IL1RAPL1: variants seen among roughly 807,000 people sequenced by gnomAD.
The protein encoded by IL1RAPL1 is interleukin-1 receptor accessory protein-like 1.
A neutral mutation model predicts 48.4 loss-of-function variants in IL1RAPL1; 3 were observed. The ratio of observed to expected loss-of-function variants is 0.06; its 90% CI spans 0.03 to 0.16. IL1RAPL1 has a LOEUF of 0.16. Ranked by LOEUF, IL1RAPL1 falls within the 10% of genes least tolerant of loss-of-function variation. IL1RAPL1 has a pLI of 1.00. For synonymous variants in IL1RAPL1, 185 were observed against 187.7 expected (o/e 0.99, Z 0.12); for missense variants, 349 against 530.6 (o/e 0.66, Z 3.36).
intron 5 of IL1RAPL1, among the ~76,000 whole-genome samples, chrX:29,598,807 T>A (rs192920272): frequency 3.3e-4 from 37 of 112,137 alleles, no homozygotes; most frequent in African/African-American, 1.1e-3. Context: ...TTAACTGTTG[T>A]TGCTTCAAAG....
At chrX:29,795,775 T>C (rs1477405295) in intron 6 of IL1RAPL1, among the ~76,000 whole-genome samples, 1 of 112,823 alleles carries the variant, frequency 8.9e-6, no homozygotes, top group Non-Finnish European at 1.9e-5. Context: ...GTGTTGGTTG[T>C]TGAAGAAGAC....
intron 1 of IL1RAPL1, among the ~76,000 whole-genome samples, chrX:28,610,732 G>T (rs1451294360): frequency 1.8e-5 from 2 of 110,920 alleles, no homozygotes; most frequent in Non-Finnish European, 3.8e-5. Context: ...TACAGTCCTA[G>T]AAGTCACTGT....
intron 2 of IL1RAPL1, among the ~76,000 whole-genome samples, chrX:29,102,021 A>G (rs1277845034): frequency 8.9e-6 from 1 of 112,138 alleles, no homozygotes; most frequent in Non-Finnish European, 1.9e-5. Context: ...ACATAGGCAA[A>G]TCAATCAGTG....
rs200069550 is a variant in IL1RAPL1 at position 29,373,821 on chromosome X, A to AT, written c.363-22429dup. ...AGTTTTTAATTTTTCATTTGTTTTT[A>AT]TTTTTTTTAATTTTTAATGTTTTGT... is the stretch of plus-strand genomic sequence containing the variant. On this transcript the variant is annotated intron_variant, in intron 3 of 10. Transcript: ENST00000378993. 0.028 allele frequency among the ~76,000 whole-genome samples: 1,159 copies of AT among 42,045 alleles called. 96 individuals carry two copies. The East Asian group carries it at 0.35, about 13-fold the overall frequency. 36.5% of individuals were successfully genotyped at this position (42,045 alleles called of 115,157 possible). A position where few individuals can be genotyped will look rare whatever the true frequency, so the allele number is the denominator to read the frequency against.
In IL1RAPL1 at chrX:28,773,063, C is replaced by A. The variant is rs770654341; in HGVS notation, c.-24-16257C>A. Among the ~76,000 whole-genome samples the A allele has an allele frequency of 6.9e-5, 7 of 101,087 alleles. No homozygotes were observed. In the East Asian group the frequency reaches 1.2e-3, roughly 17 times the overall value. 87.8% of individuals were successfully genotyped at this position (101,087 alleles called of 115,157 possible). On this transcript the variant is annotated intron_variant, in intron 1 of 10. Transcript: ENST00000378993. ...AAATAATCCTTTTTTCTTATAATATCTCTCTCTCTCTCTCTCTCTCACTTT... is the reference window on the plus strand; with the variant it reads ...AAATAATCCTTTTTTCTTATAATATATCTCTCTCTCTCTCTCTCTCACTTT...
intron 6 of IL1RAPL1, among the ~76,000 whole-genome samples, chrX:29,726,395 T>G (rs1927776262): frequency 8.9e-6 from 1 of 112,262 alleles, no homozygotes; most frequent in South Asian, 3.7e-4. Flanking sequence ...GGATAACTTT[T>G]GATTCAGTTT....
intron 3 of IL1RAPL1, among the ~76,000 whole-genome samples, chrX:29,386,261 C>G (rs907938475): frequency 1.5e-4 from 17 of 111,342 alleles, no homozygotes; most frequent in Non-Finnish European, 3.0e-4. Context: ...AACTCCTGAC[C>G]TCGTGATCCA....
intron 3 of IL1RAPL1, among the ~76,000 whole-genome samples, chrX:29,370,607 C>T (rs896533696): frequency 9.0e-6 from 1 of 110,656 alleles, no homozygotes; most frequent in Non-Finnish European, 1.9e-5. Context: ...TGCCCACAAC[C>T]AGTGCTCTAA....
At chrX:29,850,570 C>G (rs372847393) in intron 6 of IL1RAPL1, among the ~76,000 whole-genome samples, 1 of 112,577 alleles carries the variant, frequency 8.9e-6, no homozygotes, top group East Asian at 2.8e-4. Context: ...AGACCACCCT[C>G]TCCCCTGCTG....
chrX:29,570,420 C>T lies in IL1RAPL1; in HGVS notation c.704-98010C>T, dbSNP rs750708773. Among the ~76,000 whole-genome samples the T allele has an allele frequency of 4.5e-5, 5 of 112,168 alleles. No individual in the cohort carries two copies. In the East Asian group the frequency reaches 8.4e-4, roughly 19 times the overall value. ...TTAGAAAAAGAACTGAATGTGAAAA[C>T]GAAACAGTTTAATCTCTGCTCTGAT... On this transcript the variant is annotated intron_variant, in intron 5 of 10. Coordinates refer to ENST00000378993, the MANE Select transcript of IL1RAPL1 (RefSeq NM_014271.4).
chrX:29,380,964 A>G (rs1933689860), intron 3 of IL1RAPL1, among the ~76,000 whole-genome samples: 1 of 112,183 alleles, frequency 8.9e-6, no homozygotes, highest in Admixed American at 9.5e-5. Flanking sequence ...AGCCAGTGAA[A>G]CTATTGAAAC....
chrX:29,577,067 A>G (rs1244090271), intron 5 of IL1RAPL1, among the ~76,000 whole-genome samples: 2 of 111,776 alleles, frequency 1.8e-5, no homozygotes, highest in African/African-American at 6.5e-5. Context: ...TTTCCAAGCC[A>G]CTCAAAATTA....
At chrX:28,681,686 A>G (rs1374350508) in intron 1 of IL1RAPL1, among the ~76,000 whole-genome samples, 1 of 112,205 alleles carries the variant, frequency 8.9e-6, no homozygotes, top group Non-Finnish European at 1.9e-5. Flanking sequence ...GAAAATGGTA[A>G]CTATGTGAGG....
intron 2 of IL1RAPL1, among the ~76,000 whole-genome samples, chrX:28,971,682 G>C (rs555162371): frequency 1.8e-5 from 2 of 111,340 alleles, no homozygotes; most frequent in South Asian, 7.6e-4. Flanking sequence ...ATGTAACCTA[G>C]GATTTGGCAG....
chrX:28,927,447 G>A (rs1923774929), intron 2 of IL1RAPL1, among the ~76,000 whole-genome samples: 1 of 110,284 alleles, frequency 9.1e-6, no homozygotes, highest in African/African-American at 3.3e-5. Context: ...TTTCTCTTTC[G>A]GATATTACCT....
At chrX:28,820,330 T>C (rs1013627449) in intron 2 of IL1RAPL1, among the ~76,000 whole-genome samples, 7 of 110,058 alleles carry the variant, frequency 6.4e-5, no homozygotes, top group Admixed American at 5.9e-4. Context: ...TGCTTCTTCC[T>C]TATAAGTGAG....
At chrX:28,817,173 C>T (rs1460712178) in intron 2 of IL1RAPL1, among the ~76,000 whole-genome samples, 2 of 110,397 alleles carry the variant, frequency 1.8e-5, no homozygotes, top group African/African-American at 6.6e-5. Flanking sequence ...AAAGGGATCA[C>T]CATTTTAAAA....
intron 2 of IL1RAPL1, among the ~76,000 whole-genome samples, chrX:29,006,285 C>T (rs971696572): frequency 2.7e-5 from 3 of 110,746 alleles, no homozygotes; most frequent in East Asian, 5.7e-4. Context: ...GAGGCTGAGG[C>T]GGGCGATCAC....
rs200405840 is a variant in IL1RAPL1 at position 29,929,261 on chromosome X, T to TA, written c.1057+9176dup. Among the ~76,000 whole-genome samples, 597 of 110,178 alleles carry TA rather than the reference T, an allele frequency of 5.4e-3. 6 individuals are homozygous for TA. The highest frequency in any genetic ancestry group is 0.018 in the African/African-American group (534 of 30,466). On this transcript the variant is annotated intron_variant, in intron 8 of 10. Transcript: ENST00000378993. The stretch of plus-strand genomic sequence containing the variant: ...AAAAGTGAGAAATTCTGAACTGTGA[T>TA]AAAAAAAAATGGACAGTTACCTGAG...
Sources: allele counts gnomAD v4.1 joint callset (sites outside exome capture counted in the v4.1 genomes callset), GRCh38; gene constraint gnomAD v4.1.1; transcripts MANE v1.5; gene names NCBI Gene and HGNC (gene_info 2026-07-23, HGNC 2026-07-21).